Variants in RNGTT observed in about 807,000 individuals in gnomAD.
RNGTT encodes the protein mRNA-capping enzyme.
Under a neutral mutation model 79.3 loss-of-function variants are expected in RNGTT, and 33 were observed. That is an observed-to-expected ratio of 0.42 (90% CI 0.32 to 0.56). RNGTT has a LOEUF of 0.56. Among genes scored for constraint, RNGTT ranks in the 20% least tolerant of loss-of-function variants. The pLI is 0.17. For synonymous variants in RNGTT, 222 were observed against 235.9 expected (o/e 0.94, Z 0.54); for missense variants, 497 against 739.1 (o/e 0.67, Z 3.80).
intron 12 of RNGTT, among the ~76,000 whole-genome samples, chr6:88,786,816 T>C (rs1225953695): frequency 1.3e-5 from 2 of 152,200 alleles, no homozygotes; most frequent in Non-Finnish European, 2.9e-5. Flanking sequence ...ACTCCTATGT[T>C]TAAATCCTAA....
intron 6 of RNGTT, 40 bp from the exon 7 acceptor site, chr6:88,891,955 ATT>A: frequency 7.6e-7 from 1 of 1,312,224 alleles, no homozygotes; most frequent in Non-Finnish European, 1.0e-6. Flanking sequence ...AAAGAAAAAT[ATT>A]TTATTAGAGT....
At chr6:88,792,369 T>G (rs1582466302) in intron 12 of RNGTT, among the ~76,000 whole-genome samples, 1 of 152,130 alleles carries the variant, frequency 6.6e-6, no homozygotes, top group Non-Finnish European at 1.5e-5. Context: ...TTCCTTTGAA[T>G]ATACAAACAG....
chr6:88,747,974 C>T (rs62429137), intron 13 of RNGTT, among the ~76,000 whole-genome samples: 5 of 152,168 alleles, frequency 3.3e-5, no homozygotes, highest in Admixed American at 2.0e-4. Flanking sequence ...TTCTGGAAAA[C>T]GCAATTTTAG....
At chr6:88,866,857 T>C (rs1782184501) in intron 8 of RNGTT, among the ~76,000 whole-genome samples, 1 of 152,196 alleles carries the variant, frequency 6.6e-6, no homozygotes, top group Non-Finnish European at 1.5e-5. Context: ...AAAATATGAC[T>C]TTATCGGATT....
At chr6:88,869,516 G>A (rs1041529636) in intron 8 of RNGTT, among the ~76,000 whole-genome samples, 1 of 152,060 alleles carries the variant, frequency 6.6e-6, no homozygotes, top group Admixed American at 6.6e-5. Flanking sequence ...AGTGTTTCAG[G>A]GGAATCAGAA....
At chr6:88,958,016 G>C (rs1054697106) in intron 1 of RNGTT, among the ~76,000 whole-genome samples, 1 of 152,132 alleles carries the variant, frequency 6.6e-6, no homozygotes, top group Non-Finnish European at 1.5e-5. Context: ...CATAGTACTG[G>C]TATAAAAATA....
intron 14 of RNGTT, among the ~76,000 whole-genome samples, chr6:88,634,510 G>C (rs1773021460): frequency 6.6e-6 from 1 of 152,068 alleles, no homozygotes; most frequent in African/African-American, 2.4e-5. Flanking sequence ...AGAATGCATA[G>C]GGCTAAAAGG....
In RNGTT at chr6:88,704,267, A is replaced by AAAAAAC. The variant is rs1562206002; in HGVS notation, c.1440-25849_1440-25848insGTTTTT. On this transcript the variant is annotated intron_variant, in intron 13 of 15. Transcript: ENST00000369485. The stretch of plus-strand genomic sequence containing the variant: ...AGAGCGAGACTCTGTCTCAAAAAAA[A>AAAAAAC]AAAAAAAAAAAAAAAAAAAGACAGA... 7.8e-3 allele frequency among the ~76,000 whole-genome samples: 883 copies of AAAAAAC among 113,474 alleles called. 21 individuals carry two copies. Among genetic ancestry groups the AAAAAAC allele is most frequent in the African/African-American group, 0.044 (832 of 18,860 alleles). 74.4% of individuals were successfully genotyped at this position (113,474 alleles called of 152,430 possible). A position where few individuals can be genotyped will look rare whatever the true frequency, so the allele number is the denominator to read the frequency against.
chr6:88,803,715 C>T (rs1053782891), intron 11 of RNGTT, among the ~76,000 whole-genome samples: 1 of 149,434 alleles, frequency 6.7e-6, no homozygotes, highest in African/African-American at 2.5e-5. Flanking sequence ...CTTTCATTTG[C>T]TCTACTTGTA....
Position 88,781,933 on chromosome 6 carries a change from CT to C in RNGTT, c.1339-12060del, listed in dbSNP as rs538245840. Among the ~76,000 whole-genome samples the C allele has an allele frequency of 3.9e-4, 59 of 152,094 alleles. No homozygotes were observed. The South Asian group carries it at 0.012, about 30-fold the overall frequency. On this transcript the variant is annotated intron_variant, in intron 12 of 15. Transcript: ENST00000369485. ...ATTGTGATCAACCTAACTGTTATCCCTATTATCAACAGGCCCTATCAAATAC... is the reference window on the plus strand; with the variant it reads ...ATTGTGATCAACCTAACTGTTATCCCATTATCAACAGGCCCTATCAAATAC...
intron 4 of RNGTT, among the ~76,000 whole-genome samples, chr6:88,924,252 A>G (rs76314094): frequency 0.022 from 3,327 of 152,270 alleles, 123 homozygotes; most frequent in African/African-American, 0.076. Flanking sequence ...AATCTTTGCC[A>G]ATTTGATGTG....
At chr6:88,713,813 A>C (rs1776404580) in intron 13 of RNGTT, among the ~76,000 whole-genome samples, 2 of 152,182 alleles carry the variant, frequency 1.3e-5, no homozygotes, top group Non-Finnish European at 1.5e-5. Flanking sequence ...TAATGATTTA[A>C]CATTCTTGAT....
intron 13 of RNGTT, among the ~76,000 whole-genome samples, chr6:88,733,511 G>A (rs560773140): frequency 6.6e-6 from 1 of 151,944 alleles, no homozygotes; most frequent in South Asian, 2.1e-4. Context: ...AACGACTGAA[G>A]CAGAATAAAT....
At chr6:88,613,115 G>A (rs976617264) in intron 15 of RNGTT, among the ~76,000 whole-genome samples, 2 of 152,118 alleles carry the variant, frequency 1.3e-5, no homozygotes, top group African/African-American at 4.8e-5. Context: ...TTAAATGTTT[G>A]GGCTATAAGC....
At chr6:88,733,919 CAGA>C (rs1777198947) in intron 13 of RNGTT, among the ~76,000 whole-genome samples, 1 of 150,918 alleles carries the variant, frequency 6.6e-6, no homozygotes, top group South Asian at 2.1e-4. Flanking sequence ...AATTCCTTAC[CAGA>C]AGACCTGTCC....
intron 13 of RNGTT, among the ~76,000 whole-genome samples, chr6:88,689,161 G>T (rs753021151): frequency 3.9e-5 from 6 of 152,102 alleles, no homozygotes; most frequent in African/African-American, 1.4e-4. Flanking sequence ...ATACCAATAG[G>T]CCAGGTGTGG....
chr6:88,860,731 C>A (rs1385729485), intron 8 of RNGTT, among the ~76,000 whole-genome samples: 1 of 151,710 alleles, frequency 6.6e-6, no homozygotes, highest in Non-Finnish European at 1.5e-5. Flanking sequence ...TCCTAGCACT[C>A]TGGGAGGCCA....
At chr6:88,698,595 CAATTT>C (rs1365513688) in intron 13 of RNGTT, among the ~76,000 whole-genome samples, 1 of 151,654 alleles carries the variant, frequency 6.6e-6, no homozygotes, top group African/African-American at 2.4e-5. Context: ...TCAGCTATTA[CAATTT>C]ATTTTATCTT....
intron 6 of RNGTT, among the ~76,000 whole-genome samples, chr6:88,898,673 GTA>G (rs370502684): frequency 4.1e-5 from 6 of 147,426 alleles, no homozygotes; most frequent in Non-Finnish European, 7.5e-5. Context: ...GTGTGTGTGT[GTA>G]TATATATATA....
Sources: gnomAD v4.1 joint callset for allele counts (sites outside exome capture counted in the v4.1 genomes callset) on GRCh38, gnomAD v4.1.1 for gene constraint, MANE v1.5 for transcripts, NCBI Gene and HGNC (gene_info 2026-07-23, HGNC 2026-07-21) for gene names.